ATF6: variants seen among roughly 807,000 people sequenced by gnomAD.
ATF6 encodes the protein cyclic AMP-dependent transcription factor ATF-6 alpha.
A neutral mutation model predicts 83.6 loss-of-function variants in ATF6; 53 were observed. The ratio of observed to expected loss-of-function variants is 0.63; its 90% CI spans 0.51 to 0.80. ATF6 has a LOEUF of 0.80. Ranked by LOEUF, ATF6 falls within the 30% of genes least tolerant of loss-of-function variation. The pLI is 0.00. For synonymous variants in ATF6, 288 were observed against 285.8 expected (o/e 1.01, Z -0.08); for missense variants, 744 against 797.9 (o/e 0.93, Z 0.81).
chr1:161,785,605 T>G (rs1424522279), intron 4 of ATF6, among the ~76,000 whole-genome samples: 3 of 152,202 alleles, frequency 2.0e-5, no homozygotes, highest in African/African-American at 7.2e-5. Flanking sequence ...CAGACCCAAT[T>G]AACCTGTACA....
chr1:161,938,953 T>C (rs1688590422), intron 15 of ATF6, among the ~76,000 whole-genome samples: 1 of 152,216 alleles, frequency 6.6e-6, no homozygotes, highest in Non-Finnish European at 1.5e-5. Flanking sequence ...TGATCCTCTT[T>C]AGCAGAACTC....
intron 6 of ATF6, among the ~76,000 whole-genome samples, chr1:161,801,381 T>C (rs1217900258): frequency 4.1e-5 from 6 of 144,780 alleles, no homozygotes; most frequent in Admixed American, 2.8e-4. Flanking sequence ...TTTTTTTTTT[T>C]TGTCCTTTTT....
At chr1:161,771,741 G>A (rs1172923779) in intron 1 of ATF6, among the ~76,000 whole-genome samples, 4 of 152,144 alleles carry the variant, frequency 2.6e-5, no homozygotes, top group Non-Finnish European at 4.4e-5. Flanking sequence ...AGCCTCCCGA[G>A]TAGCTGGGAC....
intron 9 of ATF6, among the ~76,000 whole-genome samples, chr1:161,831,100 A>G (rs1250505596): frequency 6.6e-6 from 1 of 152,236 alleles, no homozygotes; most frequent in African/African-American, 2.4e-5. Context: ...ACAAATTTAC[A>G]AGAAAAAAAC....
intron 15 of ATF6, among the ~76,000 whole-genome samples, chr1:161,947,959 G>T (rs12096504): frequency 0.63 from 95,536 of 151,268 alleles, 31,912 homozygotes; most frequent in Non-Finnish European, 0.75. Context: ...CGAGTAGCTG[G>T]GATTATAGGT....
chr1:161,827,725 A>G (rs1685938142), intron 9 of ATF6, among the ~76,000 whole-genome samples: 1 of 152,230 alleles, frequency 6.6e-6, no homozygotes, highest in African/African-American at 2.4e-5. Flanking sequence ...TTTGGTGATG[A>G]AATATAAATA....
At chr1:161,798,433 G>A (rs1365273790) in intron 6 of ATF6, among the ~76,000 whole-genome samples, 1 of 152,146 alleles carries the variant, frequency 6.6e-6, no homozygotes, top group African/African-American at 2.4e-5. Flanking sequence ...CCAATATGGT[G>A]AAACCCCATC....
chr1:161,915,766 C>T (rs1688085189), intron 15 of ATF6, among the ~76,000 whole-genome samples: 1 of 151,922 alleles, frequency 6.6e-6, no homozygotes, highest in Non-Finnish European at 1.5e-5. Context: ...CTCCTGAACA[C>T]AGGCACATTC....
chr1:161,939,977 A>C (rs1203050861), intron 15 of ATF6, among the ~76,000 whole-genome samples: 1 of 152,188 alleles, frequency 6.6e-6, no homozygotes, highest in Non-Finnish European at 1.5e-5. Context: ...TCTATGAGCT[A>C]ATGTCTCCCA....
chr1:161,929,846 A>G lies in ATF6; in HGVS notation c.1804+17466A>G, dbSNP rs17450717. On this transcript the variant is annotated intron_variant, in intron 15 of 15. Transcript: ENST00000367942. ...ATTCTCCAAAGTTATAAAGTCCTAA[A>G]GAATGTAGCCTCTACTTGAGACCCA... 9.9e-3 allele frequency among the ~76,000 whole-genome samples: 1,503 copies of G among 152,376 alleles called. 8 individuals carry two copies. The highest frequency in any genetic ancestry group is 0.017 in the South Asian group (83 of 4,830).
At chr1:161,844,015 A>T (rs1242586651) in intron 9 of ATF6, among the ~76,000 whole-genome samples, 1 of 152,194 alleles carries the variant, frequency 6.6e-6, no homozygotes, top group East Asian at 1.9e-4. Flanking sequence ...TTCAAAATCG[A>T]TTTGTGTGAA....
intron 12 of ATF6, among the ~76,000 whole-genome samples, chr1:161,853,840 T>C (rs1686698621): frequency 6.6e-6 from 1 of 152,214 alleles, no homozygotes; most frequent in Non-Finnish European, 1.5e-5. Flanking sequence ...CATTAAGTCA[T>C]TCCGTCATTC....
intron 9 of ATF6, among the ~76,000 whole-genome samples, chr1:161,826,123 T>G (rs1409048286): frequency 6.6e-6 from 1 of 152,174 alleles, no homozygotes; most frequent in Non-Finnish European, 1.5e-5. Context: ...CCAGTAACGC[T>G]GCTAGTGGCA....
chr1:161,824,427 T>C (rs1345944141), intron 9 of ATF6, among the ~76,000 whole-genome samples: 1 of 151,458 alleles, frequency 6.6e-6, no homozygotes, highest in Admixed American at 6.6e-5. Context: ...CCTGTGAGGC[T>C]TTCCTGGACT....
intron 15 of ATF6, among the ~76,000 whole-genome samples, chr1:161,922,691 A>G (rs1156791477): frequency 1.3e-5 from 2 of 151,872 alleles, no homozygotes; most frequent in East Asian, 3.9e-4. Context: ...GAAGATTCCA[A>G]GAAGAGGGAG....
At chr1:161,850,949 C>G (rs1015342617) in intron 10 of ATF6, among the ~76,000 whole-genome samples, 1 of 152,168 alleles carries the variant, frequency 6.6e-6, no homozygotes, top group African/African-American at 2.4e-5. Context: ...TATGAATTCA[C>G]ATGATCTACA....
chr1:161,830,459 T>C (rs529074911), intron 9 of ATF6, among the ~76,000 whole-genome samples: 14 of 152,288 alleles, frequency 9.2e-5, no homozygotes, highest in Admixed American at 2.6e-4. Context: ...TTGAAGTTCA[T>C]ATGGAACCAA....
intron 15 of ATF6, among the ~76,000 whole-genome samples, chr1:161,952,728 C>T (rs988074574): frequency 5.9e-5 from 9 of 152,258 alleles, no homozygotes; most frequent in African/African-American, 2.2e-4. Flanking sequence ...ACAAGTCAGA[C>T]GCTTGCACTG....
At chr1:161,853,194 A>C in intron 11 of ATF6, 30 bp from the exon 12 acceptor site, 1 of 1,365,668 alleles carries the variant, frequency 7.3e-7, no homozygotes, top group Non-Finnish European at 1.0e-6. Flanking sequence ...ATTAATTTCT[A>C]TGTTTAATTA....
Sources: allele counts gnomAD v4.1 joint callset (sites outside exome capture counted in the v4.1 genomes callset), GRCh38; gene constraint gnomAD v4.1.1; transcripts MANE v1.5; gene names NCBI Gene and HGNC (gene_info 2026-07-23, HGNC 2026-07-21).